Variants in CALD1 observed in about 807,000 individuals in gnomAD.
CALD1 encodes caldesmon.
A neutral mutation model predicts 99.9 loss-of-function variants in CALD1; 33 were observed. That is an observed-to-expected ratio of 0.33 (90% confidence interval 0.25 to 0.44). The LOEUF (loss-of-function observed/expected upper bound fraction) is 0.44, where lower values mean the gene tolerates loss of function less well. Among genes scored for constraint, CALD1 ranks in the 20% least tolerant of loss-of-function variants. The pLI is 1.00. For missense variants in CALD1, 861 were observed against 962.1 expected (o/e 0.89, Z 1.39); for synonymous variants, 310 against 325.0 (o/e 0.95, Z 0.50).
chr7:134,739,795 A>AT (rs1796577344), upstream of CALD1, among the ~76,000 whole-genome samples: 1 of 151,916 alleles, frequency 6.6e-6, no homozygotes, highest in Non-Finnish European at 1.5e-5. Flanking sequence ...AGCCACTGAG[A>AT]TTTTGGAGGC....
intron 1 of CALD1, among the ~76,000 whole-genome samples, chr7:134,829,984 C>A (rs550683673): frequency 1.3e-5 from 2 of 152,012 alleles, no homozygotes; most frequent in East Asian, 3.9e-4. Flanking sequence ...AAGTCCGGAG[C>A]TTAAGCAACC....
intron 1 of CALD1, among the ~76,000 whole-genome samples, chr7:134,829,683 A>T (rs1398174256): frequency 1.3e-5 from 2 of 152,172 alleles, no homozygotes; most frequent in African/African-American, 4.8e-5. Flanking sequence ...TGTATTCTAG[A>T]TGCACTATGA....
At chr7:134,772,268 G>T (rs1796883755) in intron 1 of CALD1, among the ~76,000 whole-genome samples, 1 of 151,766 alleles carries the variant, frequency 6.6e-6, no homozygotes, top group Non-Finnish European at 1.5e-5. Flanking sequence ...TAATTTTTTA[G>T]ACTTTTTGTA....
chr7:134,965,033 T>C (rs1031341824), intron 13 of CALD1, among the ~76,000 whole-genome samples: 14 of 152,046 alleles, frequency 9.2e-5, no homozygotes, highest in African/African-American at 3.1e-4. Context: ...GGAGAATCAC[T>C]TGAAATCAGT....
chr7:134,868,129 T>G (rs1800889171), intron 3 of CALD1: 1 of 162,182 alleles, frequency 6.2e-6, no homozygotes, highest in African/African-American at 2.4e-5. Context: ...GCTTATATAA[T>G]AAGAAATGAC....
At chr7:134,910,506 T>A (rs1803724719) in intron 3 of CALD1, among the ~76,000 whole-genome samples, 1 of 152,096 alleles carries the variant, frequency 6.6e-6, no homozygotes, top group South Asian at 2.1e-4. Context: ...TATAAGAAAT[T>A]TGCAAGGGAA....
the CALD1 span, among the ~76,000 whole-genome samples, chr7:134,717,030 T>G: frequency 8.5e-5 from 13 of 152,206 alleles, no homozygotes; most frequent in African/African-American, 3.1e-4. Flanking sequence ...CATCTATCTA[T>G]CTGTCTATAA....
intron 1 of CALD1, among the ~76,000 whole-genome samples, chr7:134,795,951 G>A (rs1321962792): frequency 2.0e-5 from 3 of 152,176 alleles, no homozygotes; most frequent in Non-Finnish European, 4.4e-5. Context: ...GGGAAACAAG[G>A]AGTGTAGGAG....
At chr7:134,960,211 A>G in intron 12 of CALD1, 100 bp downstream of exon 12, 1 of 1,357,000 alleles carries the variant, frequency 7.4e-7, no homozygotes, top group Non-Finnish European at 1.0e-6. Flanking sequence ...AAAGCAGTGA[A>G]GAAGGTGCAA....
chr7:134,767,673 C>A (rs571498975), intron 1 of CALD1, among the ~76,000 whole-genome samples: 6 of 152,336 alleles, frequency 3.9e-5, no homozygotes, highest in African/African-American at 1.4e-4. Flanking sequence ...GAAGAGGAAA[C>A]GTGCATGGCT....
chr7:134,718,073 G>A, the CALD1 span, among the ~76,000 whole-genome samples: 6 of 152,144 alleles, frequency 3.9e-5, no homozygotes, highest in Admixed American at 6.6e-5. Context: ...TTTAAACACA[G>A]AATCAATCTA....
At position 134,965,324 on chromosome 7, in the gene CALD1, G is replaced by A. The variant is rs147498390; in HGVS notation, c.2314G>A (p.Val772Ile). 5.0e-5 allele frequency: 79 copies of A among 1,582,968 alleles called. No homozygotes were observed. In the Admixed American group the frequency reaches 8.7e-4, roughly 17 times the overall value. The change falls in exon 14 of 15, where the codon GTA becomes ATA. Residue 772 changes from valine (V) to isoleucine (I), a missense_variant. Val to Ile is a conservative substitution (Grantham distance 29, BLOSUM62 3). This residue lies in a region of CALD1 where 190 missense variants were observed against 249.0 expected (regional missense o/e 0.76). Coordinates refer to ENST00000361675, the MANE Select transcript of CALD1 (RefSeq NM_033138.4). ...PKPSDLRPGD[V>I]SSKRNLWEKQ... ...TTATCAGGACTTGAGACCAGGAGAC[G>A]TATCCAGCAAGCGGAACCTCTGGGA... is the stretch of plus-strand genomic sequence containing the variant.
chr7:134,921,149 C>T (rs1403481381), intron 3 of CALD1, among the ~76,000 whole-genome samples: 1 of 152,202 alleles, frequency 6.6e-6, no homozygotes, highest in Non-Finnish European at 1.5e-5. Flanking sequence ...TTCCCAAATT[C>T]ATGTCCACAC....
intron 2 of CALD1, among the ~76,000 whole-genome samples, chr7:134,845,678 C>T (rs1799823353): frequency 6.6e-6 from 1 of 152,204 alleles, no homozygotes. Context: ...TGTTCACAGT[C>T]ACCACCTACA....
intron 3 of CALD1, among the ~76,000 whole-genome samples, chr7:134,901,143 A>C (rs932282744): frequency 6.6e-5 from 10 of 151,860 alleles, no homozygotes; most frequent in Non-Finnish European, 1.3e-4. Context: ...ATTCAGTGCC[A>C]AGAGGGAGGT....
At chr7:134,821,043 C>T (rs1027020904) in intron 1 of CALD1, among the ~76,000 whole-genome samples, 3 of 152,026 alleles carry the variant, frequency 2.0e-5, no homozygotes, top group African/African-American at 2.4e-5. Context: ...TACGTTTATG[C>T]GTAACTGACT....
intron 11 of CALD1, among the ~76,000 whole-genome samples, chr7:134,959,064 C>T (rs1430560605): frequency 6.6e-6 from 1 of 151,596 alleles, no homozygotes; most frequent in Non-Finnish European, 1.5e-5. Flanking sequence ...TTTTTCATAG[C>T]ACTTAGCACA....
chr7:134,882,035 A>G (rs1801629409), intron 3 of CALD1, among the ~76,000 whole-genome samples: 2 of 152,208 alleles, frequency 1.3e-5, no homozygotes, highest in African/African-American at 2.4e-5. Flanking sequence ...TTGTTCTCGT[A>G]TCTGTTTTCT....
chr7:134,717,561 T>G, the CALD1 span, among the ~76,000 whole-genome samples: 2 of 152,326 alleles, frequency 1.3e-5, no homozygotes, highest in South Asian at 4.1e-4. Context: ...AGGAATGGTG[T>G]GATGCAGAGA....
Sources: allele counts gnomAD v4.1 joint callset (sites outside exome capture counted in the v4.1 genomes callset), GRCh38; gene constraint gnomAD v4.1.1; regional missense constraint gnomAD v4.1.1; transcripts MANE v1.5; gene names NCBI Gene and HGNC (gene_info 2026-07-23, HGNC 2026-07-21).